KANSL1: variants seen among roughly 807,000 people sequenced by gnomAD.
The protein encoded by KANSL1 is KAT8 regulatory NSL complex subunit 1, also known as MLL1/MLL complex subunit KANSL1.
KANSL1 carries 22 observed loss-of-function variants against 103.6 expected under a neutral mutation model. The ratio of observed to expected loss-of-function variants is 0.21; its 90% CI spans 0.15 to 0.30. The LOEUF is 0.30. Among genes scored for constraint, KANSL1 ranks in the 10% least tolerant of loss-of-function variants. The pLI, the probability that KANSL1 is intolerant of heterozygous loss-of-function variation, is 1.00. For synonymous variants in KANSL1, 600 were observed against 527.6 expected, an observed-to-expected ratio of 1.14 and a Z score of -1.88; for missense variants, 1,337 against 1,399.8, an observed-to-expected ratio of 0.96 and a Z score of 0.72.
chr17:46,204,291 C>T (rs1169949061), intron 1 of KANSL1, among the ~76,000 whole-genome samples: 1 of 151,722 alleles, frequency 6.6e-6, no homozygotes, highest in Admixed American at 6.6e-5. Context: ...ATTTTTGTAT[C>T]TTTAGTCTCT....
In KANSL1 at chr17:46,105,937, AC is replaced by A. The variant is rs1567680741; in HGVS notation, c.1290-11237del. ...CACACACACACACACACACACACAC[AC>A]ACACACACACCCCCCCAGAAGGGTG... On this transcript the variant is annotated intron_variant, in intron 2 of 14. Transcript: ENST00000432791. Among the ~76,000 whole-genome samples, 111 of 83,262 alleles carry A rather than the reference AC, an allele frequency of 1.3e-3. 1 individual carries two copies. Among genetic ancestry groups the A allele is most frequent in the Admixed American group, 3.9e-3 (29 of 7,358 alleles). 54.6% of individuals were successfully genotyped at this position (83,262 alleles called of 152,430 possible).
rs2041983367 is a variant in KANSL1, at chr17:46,094,587, G to A, written c.1404C>T (p.Asp468=). 6.2e-7 allele frequency: 1 copy of A among 1,613,582 alleles called. No individual in the cohort carries two copies. The highest frequency in any genetic ancestry group is 8.5e-7 in the Non-Finnish European group (1 of 1,179,996). ...DLEYRIRQQT[D]IYKQIRANKG... ...TATTAGCACGTATCTGTTTGTAAAT[G>A]TCTGTTTGCTGACGAATTCGATATT... Residue 468 remains aspartate (D), a synonymous_variant, in exon 3 of 15, where the codon GAC becomes GAT. Transcript: ENST00000432791.
chr17:46,184,897 C>A (rs891458543), intron 1 of KANSL1, among the ~76,000 whole-genome samples: 1 of 147,098 alleles, frequency 6.8e-6, no homozygotes, highest in African/African-American at 2.5e-5. Flanking sequence ...TGGAGTGCAG[C>A]GGCACAATAT....
At chr17:46,081,907 G>C (rs1438253455) in intron 4 of KANSL1, among the ~76,000 whole-genome samples, 3 of 152,156 alleles carry the variant, frequency 2.0e-5, no homozygotes, top group African/African-American at 7.2e-5. Context: ...TTGGAATTCA[G>C]AAAGAAAATT....
chr17:46,129,426 G>A (rs1001290752), intron 2 of KANSL1, among the ~76,000 whole-genome samples: 1 of 152,230 alleles, frequency 6.6e-6, no homozygotes, highest in Non-Finnish European at 1.5e-5. Context: ...TAAAAAAACT[G>A]CTCATTAAGG....
At chr17:46,224,117 T>G (rs1048539420), upstream of KANSL1, among the ~76,000 whole-genome samples, 2 of 152,274 alleles carry the variant, frequency 1.3e-5, no homozygotes, top group Admixed American at 1.3e-4. Flanking sequence ...TAAACGTGAT[T>G]TGTTAACTAA....
chr17:46,200,613 G>A (rs1429048137), intron 1 of KANSL1, among the ~76,000 whole-genome samples: 2 of 152,078 alleles, frequency 1.3e-5, no homozygotes, highest in East Asian at 3.9e-4. Flanking sequence ...ATGGTGGGGG[G>A]CACCCGTAGT....
intron 2 of KANSL1, among the ~76,000 whole-genome samples, chr17:46,141,291 C>CA (rs1216015816): frequency 6.6e-6 from 1 of 152,208 alleles, no homozygotes; most frequent in Non-Finnish European, 1.5e-5. Flanking sequence ...CATTTACACT[C>CA]AGAGGCTATC....
intron 2 of KANSL1, among the ~76,000 whole-genome samples, chr17:46,135,137 G>A (rs2147305929): frequency 6.6e-6 from 1 of 151,220 alleles, no homozygotes; most frequent in South Asian, 2.1e-4. Context: ...TTTTGAAGAA[G>A]CACAGGGAGA....
rs755353984 is a variant in KANSL1, at chr17:46,171,249, G to A, written c.895C>T (p.Arg299Cys). 1.1e-5 allele frequency: 17 copies of A among 1,613,934 alleles called. No individual in the cohort carries two copies. Among genetic ancestry groups the A allele is most frequent in the African/African-American group, 5.3e-5 (4 of 74,842 alleles). The change falls in exon 2 of 15, where the codon CGC becomes TGC. Residue 299 changes from arginine to cysteine, a missense_variant. Transcript: ENST00000432791. ...ACCTGTAAGCGCTTTTGTAATCTGC[G>A]GGCACGGCTCTCAATGTCAGCCTGT... ...RRQADIESRA[R>C]RLQKRLQVVQ...
chr17:46,131,429 T>A (rs1300305649), intron 2 of KANSL1, among the ~76,000 whole-genome samples: 2 of 152,248 alleles, frequency 1.3e-5, no homozygotes, highest in East Asian at 1.9e-4. Context: ...ACATTTGTCA[T>A]ACCTTAATTG....
rs1443418587 is a variant in KANSL1 at position 46,041,873 on chromosome 17, TTATTTTG to T, written c.2021-1996_2021-1990del. On this transcript the variant is annotated intron_variant, in intron 7 of 14. Coordinates refer to ENST00000432791, the MANE Select transcript of KANSL1 (RefSeq NM_015443.4). Reference sequence around the variant, plus strand: ...CATGTCTTCTAGAACTATTAGAAATTTATTTTGTGTGTGTGTGTGTGTGTGTGTGTGT... The same window carrying T: ...CATGTCTTCTAGAACTATTAGAAATTTGTGTGTGTGTGTGTGTGTGTGTGT... 2.9e-5 allele frequency: 4 copies of T among 139,520 alleles called. No individual in the cohort carries two copies. The Admixed American group carries it at 3.1e-4, about 11-fold the overall frequency. 8.6% of individuals were successfully genotyped at this position (139,520 alleles called of 1,614,324 possible). A position where few individuals can be genotyped will look rare whatever the true frequency, so the allele number is the denominator to read the frequency against.
At chr17:46,158,088 G>A (rs1033467907) in intron 2 of KANSL1, among the ~76,000 whole-genome samples, 2 of 152,242 alleles carry the variant, frequency 1.3e-5, no homozygotes. Context: ...AATCAATGAA[G>A]TATTCAACTA....
chr17:46,095,652 G>A lies in KANSL1; in HGVS notation c.1290-951C>T, dbSNP rs567685773. ...CAGCCAAACTTAAAAGAATATCTTCGGGACTTAGAGCAGGGAGCATTTCTT... is the reference window on the plus strand; with the variant it reads ...CAGCCAAACTTAAAAGAATATCTTCAGGACTTAGAGCAGGGAGCATTTCTT... On this transcript the variant is annotated intron_variant, in intron 2 of 14. Coordinates refer to ENST00000432791, the MANE Select transcript of KANSL1 (RefSeq NM_015443.4). Among the ~76,000 whole-genome samples the A allele has an allele frequency of 1.2e-4, 19 of 152,214 alleles. No individual in the cohort carries two copies. In the South Asian group the frequency reaches 3.5e-3, roughly 28 times the overall value.
intron 2 of KANSL1, among the ~76,000 whole-genome samples, chr17:46,126,023 T>C (rs2043539864): frequency 6.6e-6 from 1 of 152,218 alleles, no homozygotes; most frequent in Non-Finnish European, 1.5e-5. Flanking sequence ...ACACAGCTTA[T>C]CAGTACCAGT....
intron 1 of KANSL1, among the ~76,000 whole-genome samples, chr17:46,207,876 T>G (rs1420525461): frequency 2.0e-5 from 3 of 151,990 alleles, no homozygotes; most frequent in African/African-American, 7.3e-5. Flanking sequence ...TTTGGGAGGC[T>G]GAGGCGGGTG....
intron 2 of KANSL1, 52 bp from the exon 3 acceptor site, chr17:46,094,753 C>T (rs1465029592): frequency 6.2e-7 from 1 of 1,605,546 alleles, no homozygotes; most frequent in African/African-American, 1.3e-5. Flanking sequence ...ATATCTATAC[C>T]AGATTGGGGG....
At chr17:46,033,326 A>G (rs1214465090) in intron 12 of KANSL1, 77 bp downstream of exon 12, 5 of 1,496,770 alleles carry the variant, frequency 3.3e-6, no homozygotes, top group Non-Finnish European at 4.6e-6. Context: ...TCTTCAGGCC[A>G]TTTAGGGTGT....
At chr17:46,079,926 A>G (rs2078920783) in intron 4 of KANSL1, among the ~76,000 whole-genome samples, 1 of 152,074 alleles carries the variant, frequency 6.6e-6, no homozygotes. Context: ...GCAGTGAGCC[A>G]AGGTCGCACC....
Sources: gnomAD v4.1 joint callset for allele counts (sites outside exome capture counted in the v4.1 genomes callset) on GRCh38, gnomAD v4.1.1 for gene constraint, MANE v1.5 for transcripts, NCBI Gene and HGNC (gene_info 2026-07-23, HGNC 2026-07-21) for gene names.